The following PEX3 variants were observed in gnomAD, a reference collection of about 807,000 sequenced individuals.
PEX3 encodes peroxin-3.
A neutral mutation model predicts 55.8 loss-of-function variants in PEX3; 30 were observed. That is an observed-to-expected ratio of 0.54 (90% CI 0.40 to 0.73). PEX3 has a LOEUF of 0.73. Ranked by LOEUF, PEX3 falls within the 30% of genes least tolerant of loss-of-function variation. The pLI is 0.00. For missense variants in PEX3, 351 were observed against 432.8 expected (o/e 0.81, Z 1.68); for synonymous variants, 135 against 148.4 (o/e 0.91, Z 0.66).
chr6:143,452,571 T>C (rs993472852), intron 1 of PEX3, among the ~76,000 whole-genome samples: 3 of 152,210 alleles, frequency 2.0e-5, no homozygotes, highest in African/African-American at 7.2e-5. Flanking sequence ...CTTAAACTTA[T>C]AATTTTTTTA....
Position 143,463,362 on chromosome 6 carries a change from C to T in PEX3, c.287+365C>T, listed in dbSNP as rs368040784. On this transcript the variant is annotated intron_variant, in intron 3 of 11. Coordinates refer to ENST00000367591, the MANE Select transcript of PEX3 (RefSeq NM_003630.3). This position sits in a 1 kb window ranked among gnomAD's most constrained non-coding sequence, Gnocchi z 5.7. ...TTGTGCTTCTTTCTGAAAGAGCTTACGGTGTAATACAGCATGTGAACATAC... is the reference window on the plus strand; with the variant it reads ...TTGTGCTTCTTTCTGAAAGAGCTTATGGTGTAATACAGCATGTGAACATAC... 2.6e-5 allele frequency among the ~76,000 whole-genome samples: 4 copies of T among 152,246 alleles called. No individual in the cohort carries two copies. The highest frequency in any genetic ancestry group is 6.8e-3 in the Middle Eastern group (2 of 294).
intron 2 of PEX3, among the ~76,000 whole-genome samples, chr6:143,460,405 G>T (rs924723389): frequency 4.6e-5 from 7 of 152,084 alleles, no homozygotes; most frequent in Non-Finnish European, 8.8e-5. Context: ...GTTTTGTGAG[G>T]CCGTGATGAG....
At chr6:143,460,508 T>C (rs1186196821) in intron 2 of PEX3, among the ~76,000 whole-genome samples, 4 of 152,198 alleles carry the variant, frequency 2.6e-5, no homozygotes, top group Non-Finnish European at 5.9e-5. Flanking sequence ...TGCCACTGCC[T>C]AGGACATTTT....
chr6:143,470,191 G>T (rs564372882), intron 4 of PEX3, among the ~76,000 whole-genome samples: 1 of 152,052 alleles, frequency 6.6e-6, no homozygotes. Context: ...CTTGTGATCC[G>T]CCCGCCTCGG....
At chr6:143,461,709 G>C (rs958600531) in intron 2 of PEX3, among the ~76,000 whole-genome samples, 5 of 152,174 alleles carry the variant, frequency 3.3e-5, no homozygotes, top group African/African-American at 1.2e-4. Flanking sequence ...CACTTTGGGA[G>C]GCAAAGGTGG....
At chr6:143,457,249 T>TA (rs1475871461) in intron 1 of PEX3, among the ~76,000 whole-genome samples, 5 of 152,220 alleles carry the variant, frequency 3.3e-5, no homozygotes, top group African/African-American at 9.6e-5. Flanking sequence ...TTGTGAAATG[T>TA]AAGTCAGTTT....
chr6:143,461,093 A>G (rs995916660), intron 2 of PEX3, among the ~76,000 whole-genome samples: 5 of 152,130 alleles, frequency 3.3e-5, no homozygotes. Flanking sequence ...ACATTTGTGA[A>G]GGGAAAAAGA....
rs1703710913 is a variant in PEX3 at position 143,482,061 on chromosome 6, A to G, written c.941+2863A>G. ...GATTTCCATTAAGTTCAAAAACAGTATAAAGATGGTCACTATTGACAGATT... is the reference window on the plus strand; with the variant it reads ...GATTTCCATTAAGTTCAAAAACAGTGTAAAGATGGTCACTATTGACAGATT... On this transcript the variant is annotated intron_variant, in intron 10 of 11. Coordinates refer to ENST00000367591, the MANE Select transcript of PEX3 (RefSeq NM_003630.3). This position sits in a 1 kb window ranked among gnomAD's most constrained non-coding sequence, Gnocchi z 5.5. Among the ~76,000 whole-genome samples the G allele has an allele frequency of 6.6e-6, 1 of 152,196 alleles. No individual in the cohort carries two copies. The highest frequency in any genetic ancestry group is 6.5e-5 in the Admixed American group (1 of 15,276).
In PEX3 at chr6:143,479,769, G is replaced by T. The variant is rs1026937458; in HGVS notation, c.941+571G>T. On this transcript the variant is annotated intron_variant, in intron 10 of 11. Transcript: ENST00000367591. The surrounding 1 kb of genome is among the most constrained non-coding windows in gnomAD (Gnocchi z 4.6). ...ATCATGGACTTATGTATGCCATAAG[G>T]TATCTTACGGTTTTTTATATCTTTG... Among the ~76,000 whole-genome samples the T allele has an allele frequency of 6.6e-6, 1 of 151,970 alleles. No individual in the cohort carries two copies. Among genetic ancestry groups the T allele is most frequent in the African/African-American group, 2.4e-5 (1 of 41,404 alleles).
intron 3 of PEX3, among the ~76,000 whole-genome samples, chr6:143,467,727 A>G (rs933296038): frequency 3.3e-5 from 5 of 152,196 alleles, no homozygotes; most frequent in African/African-American, 4.8e-5. Flanking sequence ...TACACATGAA[A>G]TATATGTGTA....
chr6:143,481,186 A>T (rs956412046), intron 10 of PEX3, among the ~76,000 whole-genome samples: 7 of 149,092 alleles, frequency 4.7e-5, no homozygotes, highest in African/African-American at 1.7e-4. Flanking sequence ...TATATGCAAC[A>T]TATATGTATT....
rs772847134 is a variant in PEX3, at chr6:143,459,695, C to G, written c.205+479C>G. 6.6e-6 allele frequency among the ~76,000 whole-genome samples: 1 copy of G among 152,120 alleles called. No individual in the cohort carries two copies. The highest frequency in any genetic ancestry group is 1.5e-5 in the Non-Finnish European group (1 of 68,022). On this transcript the variant is annotated intron_variant, in intron 2 of 11. Transcript: ENST00000367591. The surrounding 1 kb of genome is among the most constrained non-coding windows in gnomAD (Gnocchi z 4.2). ...GTGAAATGCCTGAGGCGGGAACAAG[C>G]TTGGTACTCTCAGGACACAGCAAAA...
In PEX3 at chr6:143,485,420, T is replaced by C. The variant is rs1426383071; in HGVS notation, c.1038+172T>C. Among the ~76,000 whole-genome samples the C allele has an allele frequency of 6.6e-6, 1 of 152,040 alleles. No homozygotes were observed. Among genetic ancestry groups the C allele is most frequent in the Non-Finnish European group, 1.5e-5 (1 of 67,976 alleles). Reference sequence around the variant, plus strand: ...GTCCCATGAGAGTAATAACGGACCATAGCAAATGTGTAAGTTTGGAGTACC... The same window carrying C: ...GTCCCATGAGAGTAATAACGGACCACAGCAAATGTGTAAGTTTGGAGTACC... On this transcript the variant is annotated intron_variant, in intron 11 of 11. Transcript: ENST00000367591. The surrounding 1 kb of genome is among the most constrained non-coding windows in gnomAD (Gnocchi z 5.6).
rs1780365703 is a variant in PEX3, at chr6:143,489,958, T to C, written c.*732T>C. ...CATAATTTTAAAAACTTACTTTGTATTGATTTTGAATACAGTGAAAATCTT... is the reference window on the plus strand; with the variant it reads ...CATAATTTTAAAAACTTACTTTGTACTGATTTTGAATACAGTGAAAATCTT... On this transcript the variant is annotated 3_prime_UTR_variant, in exon 12 of 12. Transcript: ENST00000367591. This position sits in a 1 kb window ranked among gnomAD's most constrained non-coding sequence, Gnocchi z 5.5. The C allele has an allele frequency of 6.6e-6, 1 of 152,206 alleles. No individual in the cohort carries two copies. Among genetic ancestry groups the C allele is most frequent in the African/African-American group, 2.4e-5 (1 of 41,460 alleles). 9.4% of individuals were successfully genotyped at this position (152,206 alleles called of 1,614,324 possible). A position where few individuals can be genotyped will look rare whatever the true frequency, so the allele number is the denominator to read the frequency against.
In PEX3 at chr6:143,472,263, G is replaced by T. The variant is rs1273164263; in HGVS notation, c.682G>T (p.Asp228Tyr). The T allele has an allele frequency of 1.2e-6, 2 of 1,607,952 alleles. No individual in the cohort carries two copies. Among genetic ancestry groups the T allele is most frequent in the Admixed American group, 3.3e-5 (2 of 60,000 alleles). Residue 228 changes from aspartate to tyrosine, a missense_variant, in exon 8 of 12, where the codon GAT becomes TAT. Transcript: ENST00000367591. ...TAAGTCTTCTTCTTGGATTAATAAAGATGGATCCAAACCTTTATTATGCCA... is the reference window on the plus strand; with the variant it reads ...TAAGTCTTCTTCTTGGATTAATAAATATGGATCCAAACCTTTATTATGCCA... ...QHKSSSWINK[D>Y]GSKPLLCHYM...
At position 143,482,767 on chromosome 6, in the gene PEX3, GT is replaced by G. The variant is rs1423101472; in HGVS notation, c.942-2384del. Among the ~76,000 whole-genome samples, 3 of 151,964 alleles carry G rather than the reference GT, an allele frequency of 2.0e-5. No individual in the cohort carries two copies. Among genetic ancestry groups the G allele is most frequent in the African/African-American group, 7.2e-5 (3 of 41,396 alleles). On this transcript the variant is annotated intron_variant, in intron 10 of 11. Coordinates refer to ENST00000367591, the MANE Select transcript of PEX3 (RefSeq NM_003630.3). The surrounding 1 kb of genome is among the most constrained non-coding windows in gnomAD (Gnocchi z 5.5). ...ATGTTGGTAAGACGAATAACAATTA[GT>G]CATTTTACAATGACTAATAAAATTC...
Position 143,451,092 on chromosome 6 carries a change from T to A in PEX3, c.50T>A (p.Ile17Asn). 1.2e-6 allele frequency: 2 copies of A among 1,613,324 alleles called. No individual in the cohort carries two copies. The highest frequency in any genetic ancestry group is 1.3e-5 in the African/African-American group (1 of 74,946). Residue 17 changes from isoleucine to asparagine, a missense_variant, in exon 1 of 12, where the codon ATC becomes AAC. Coordinates refer to ENST00000367591, the MANE Select transcript of PEX3 (RefSeq NM_003630.3). The surrounding 1 kb of genome is among the most constrained non-coding windows in gnomAD (Gnocchi z 4.1). The part of the protein sequence containing the change: ...NFLKRHKKKC[I>N]FLGTVLGGVY... ...CTGAAACGCCACAAAAAGAAATGCA[T>A]CTTCCTGGGCACGGTCCTTGGAGGT... is the stretch of plus-strand genomic sequence containing the variant.
intron 2 of PEX3, among the ~76,000 whole-genome samples, chr6:143,460,728 G>A (rs1779906310): frequency 6.6e-6 from 1 of 152,030 alleles, no homozygotes; most frequent in African/African-American, 2.4e-5. Flanking sequence ...GCCGGGCGTG[G>A]TGTTGCATGC....
rs567773596 is a variant in PEX3, at chr6:143,487,356, G to A, written c.1039-1787G>A. On this transcript the variant is annotated intron_variant, in intron 11 of 11. Transcript: ENST00000367591. This position sits in a 1 kb window ranked among gnomAD's most constrained non-coding sequence, Gnocchi z 5.3. The stretch of plus-strand genomic sequence containing the variant: ...CACCAGCTTTTGTAAGTTTTATTGG[G>A]TGACAGCATGCCCATTGGTTTATGT... Among the ~76,000 whole-genome samples, 5 of 152,214 alleles carry A rather than the reference G, an allele frequency of 3.3e-5. No individual in the cohort carries two copies. Among genetic ancestry groups the A allele is most frequent in the African/African-American group, 1.2e-4 (5 of 41,546 alleles).
Sources: gnomAD v4.1 joint callset for allele counts (sites outside exome capture counted in the v4.1 genomes callset) on GRCh38, gnomAD v4.1.1 for gene constraint, Gnocchi (gnomAD v3.1) non-coding constraint, MANE v1.5 for transcripts, NCBI Gene and HGNC (gene_info 2026-07-23, HGNC 2026-07-21) for gene names.